Variants in SMG7 observed in about 807,000 individuals in gnomAD.
SMG7 encodes the protein nonsense-mediated mRNA decay factor SMG7.
Under a neutral mutation model 148.2 loss-of-function variants are expected in SMG7, and 34 were observed. The observed-to-expected ratio is 0.23, with a 90% CI of 0.17 to 0.31. The LOEUF (loss-of-function observed/expected upper bound fraction) is 0.31, where lower values mean the gene tolerates loss of function less well. Among genes scored for constraint, SMG7 ranks in the 10% least tolerant of loss-of-function variants. The pLI is 1.00. For missense variants in SMG7, 1,114 were observed against 1,408.4 expected (o/e 0.79, Z 3.35); for synonymous variants, 492 against 515.1 (o/e 0.96, Z 0.61).
At chr1:183,505,023 A>G (rs1049161260) in intron 1 of SMG7, among the ~76,000 whole-genome samples, 5 of 150,102 alleles carry the variant, frequency 3.3e-5, no homozygotes, top group African/African-American at 1.2e-4. Context: ...TTTATTTTTT[A>G]TATTTTATAT....
intron 4 of SMG7, among the ~76,000 whole-genome samples, chr1:183,524,734 T>A (rs1212521246): frequency 6.6e-6 from 1 of 152,120 alleles, no homozygotes; most frequent in Non-Finnish European, 1.5e-5. Flanking sequence ...CTGAAAAAAA[T>A]TGAGCTTTAT....
intron 3 of SMG7, among the ~76,000 whole-genome samples, chr1:183,517,181 C>G (rs1663738555): frequency 1.3e-5 from 2 of 152,104 alleles, no homozygotes; most frequent in Admixed American, 1.3e-4. Flanking sequence ...GTTTCAATCA[C>G]AAGAGAAATA....
chr1:183,489,795 C>G (rs1490259196), intron 1 of SMG7, among the ~76,000 whole-genome samples: 2 of 152,098 alleles, frequency 1.3e-5, no homozygotes, highest in Admixed American at 6.5e-5. Context: ...GTTACTCTAC[C>G]TATTTAGGTG....
chr1:183,484,453 CT>C (rs1654946705), intron 1 of SMG7, among the ~76,000 whole-genome samples: 1 of 150,764 alleles, frequency 6.6e-6, no homozygotes, highest in African/African-American at 2.4e-5. Context: ...AACCCTCATG[CT>C]TTCTGCTTTT....
At chr1:183,511,172 C>T (rs1455061970) in intron 1 of SMG7, among the ~76,000 whole-genome samples, 1 of 151,978 alleles carries the variant, frequency 6.6e-6, no homozygotes, top group African/African-American at 2.4e-5. Flanking sequence ...AGTTTATATA[C>T]CTACCTTCTT....
intron 1 of SMG7, among the ~76,000 whole-genome samples, chr1:183,495,571 G>C (rs1658278677): frequency 6.6e-6 from 1 of 152,058 alleles, no homozygotes; most frequent in African/African-American, 2.4e-5. Context: ...GTCTTATGCT[G>C]TTCAAAAAGG....
At chr1:183,511,550 C>T (rs576245297) in intron 1 of SMG7, among the ~76,000 whole-genome samples, 1 of 152,146 alleles carries the variant, frequency 6.6e-6, no homozygotes, top group South Asian at 2.1e-4. Context: ...AGAAATGAGC[C>T]CGGAGATCAA....
chr1:183,522,788 T>G (rs182179033), intron 4 of SMG7, among the ~76,000 whole-genome samples: 110 of 152,026 alleles, frequency 7.2e-4, no homozygotes, highest in Middle Eastern at 6.8e-3. Context: ...TTTGTTTTTT[T>G]TTTTTAAAGA....
chr1:183,540,683 G>T (rs1572064279), intron 12 of SMG7, among the ~76,000 whole-genome samples: 1 of 152,222 alleles, frequency 6.6e-6, no homozygotes, highest in East Asian at 1.9e-4. Flanking sequence ...TTCTTAAAAT[G>T]ATAAAAGAAT....
At chr1:183,546,837 A>G (rs1410606799) in intron 17 of SMG7, among the ~76,000 whole-genome samples, 1 of 152,212 alleles carries the variant, frequency 6.6e-6, no homozygotes, top group African/African-American at 2.4e-5. Flanking sequence ...ATTTTGCTCC[A>G]TAGCATTGTT....
At chr1:183,494,143 A>G (rs1341892388) in intron 1 of SMG7, among the ~76,000 whole-genome samples, 2 of 152,052 alleles carry the variant, frequency 1.3e-5, no homozygotes, top group Non-Finnish European at 2.9e-5. Flanking sequence ...ATACGCCACC[A>G]TGCCTGCCTA....
At chr1:183,538,782 C>T (rs1487523921) in intron 12 of SMG7, among the ~76,000 whole-genome samples, 1 of 151,946 alleles carries the variant, frequency 6.6e-6, no homozygotes, top group Non-Finnish European at 1.5e-5. Flanking sequence ...TATCTTTAGC[C>T]TAGTAACATT....
Position 183,544,472 on chromosome 1 carries a change from C to G in SMG7, c.1962C>G (p.Ala654=). ...SQFIPIHHPG[A]FPPLPSRPGF... ...TCATCCCCATTCATCACCCTGGAGC[C>G]TTCCCTCCTCTTCCCAGCAGGCCAG... The change falls in exon 15 of 23, where the codon GCC becomes GCG. Residue 654 remains alanine (A), a synonymous_variant. Coordinates refer to ENST00000688051, the MANE Select transcript of SMG7 (RefSeq NM_001375584.1). The G allele has an allele frequency of 6.2e-7, 1 of 1,613,778 alleles. No homozygotes were observed. Among genetic ancestry groups the G allele is most frequent in the East Asian group, 2.2e-5 (1 of 44,862 alleles).
chr1:183,520,259 T>C (rs1664480106), intron 4 of SMG7, among the ~76,000 whole-genome samples: 1 of 152,046 alleles, frequency 6.6e-6, no homozygotes, highest in South Asian at 2.1e-4. Flanking sequence ...GATGAAAAGA[T>C]TGTTTTGTTG....
At chr1:183,541,168 A>C in intron 13 of SMG7, 65 bp downstream of exon 13, 131 of 1,300,144 alleles carry the variant, frequency 1.0e-4, no homozygotes, top group Non-Finnish European at 1.3e-4. Flanking sequence ...ATGCGCGCAC[A>C]CGCGCGCGCA....
intron 1 of SMG7, among the ~76,000 whole-genome samples, chr1:183,497,002 G>A (rs529984234): frequency 6.6e-6 from 1 of 152,088 alleles, no homozygotes; most frequent in African/African-American, 2.4e-5. Flanking sequence ...CACTCCCTTG[G>A]TAATGTCATC....
rs779869154 is a variant in SMG7, at chr1:183,549,767, A to G, written c.2977A>G (p.Arg993Gly). 1.8e-5 allele frequency: 29 copies of G among 1,613,246 alleles called. No homozygotes were observed. The African/African-American group carries it at 3.2e-4, about 18-fold the overall frequency. ...SLTGFSLNQERYPNNSMFNEV... is the reference protein window; with the variant it reads ...SLTGFSLNQEGYPNNSMFNEV... ...ACTTCACTGTCATGTCTTTCAGGAA[A>G]GATACCCAAATAATAGTATGTTCAA... Residue 993 changes from arginine to glycine, a missense_variant, in exon 20 of 23, where the codon AGA becomes GGA. Physicochemically the swap from Arg to Gly is moderately radical, Grantham distance 125 (BLOSUM62 -2). Around this residue, in one of 4 missense-constraint regions of SMG7, gnomAD observed 788 missense variants for 894.5 expected, o/e 0.88. Transcript: ENST00000688051.
intron 1 of SMG7, among the ~76,000 whole-genome samples, chr1:183,489,770 A>G (rs929167343): frequency 6.6e-6 from 1 of 152,248 alleles, no homozygotes; most frequent in Non-Finnish European, 1.5e-5. Context: ...ATCAACTTCT[A>G]TTCTCAATGG....
chr1:183,528,491 C>T lies in SMG7; in HGVS notation c.557-401C>T, dbSNP rs545094588. Among the ~76,000 whole-genome samples the T allele has an allele frequency of 1.3e-3, 205 of 152,140 alleles. 1 individual carries two copies. The highest frequency in any genetic ancestry group is 2.6e-3 in the Non-Finnish European group (176 of 68,002). On this transcript the variant is annotated intron_variant, in intron 6 of 22. Coordinates refer to ENST00000688051, the MANE Select transcript of SMG7 (RefSeq NM_001375584.1). ...ATTATTTAAATCATTCTTACTAAGACGTTGAAATTCCTTTAGATTCTAGAA... is the reference window on the plus strand; with the variant it reads ...ATTATTTAAATCATTCTTACTAAGATGTTGAAATTCCTTTAGATTCTAGAA...
Sources: gnomAD v4.1 joint callset for allele counts (sites outside exome capture counted in the v4.1 genomes callset) on GRCh38, gnomAD v4.1.1 for gene constraint, gnomAD v4.1.1 regional missense constraint, MANE v1.5 for transcripts, NCBI Gene and HGNC (gene_info 2026-07-23, HGNC 2026-07-21) for gene names.